Variants in CREB3L2 observed in about 807,000 individuals in gnomAD.
The protein encoded by CREB3L2 is cAMP responsive element binding protein 3 like 2.
A neutral mutation model predicts 57.2 loss-of-function variants in CREB3L2; 23 were observed. The observed-to-expected ratio is 0.40, with a 90% CI of 0.29 to 0.57. The LOEUF (loss-of-function observed/expected upper bound fraction) is 0.57. Among genes scored for constraint, CREB3L2 ranks in the 20% least tolerant of loss-of-function variants. The pLI, the probability that CREB3L2 is intolerant of heterozygous loss-of-function variation, is 0.42. For missense variants in CREB3L2, 628 were observed against 634.7 expected, an observed-to-expected ratio of 0.99 and a Z score of 0.11; for synonymous variants, 268 against 265.1, an observed-to-expected ratio of 1.01 and a Z score of -0.11.
chr7:137,997,293 T>C (rs1420119538), intron 1 of CREB3L2, among the ~76,000 whole-genome samples: 1 of 152,224 alleles, frequency 6.6e-6, no homozygotes, highest in African/African-American at 2.4e-5. Flanking sequence ...GTAGACATGC[T>C]TCCCTTCATC....
intron 1 of CREB3L2, among the ~76,000 whole-genome samples, chr7:137,976,489 G>C (rs946647574): frequency 9.2e-5 from 14 of 152,162 alleles, no homozygotes; most frequent in African/African-American, 3.1e-4. Flanking sequence ...TTTAAAATAT[G>C]CAAATCAGAG....
rs536968975 is a variant in CREB3L2, at chr7:137,923,684, T to C, written c.319+4466A>G. On this transcript the variant is annotated intron_variant, in intron 2 of 11. Coordinates refer to ENST00000330387, the MANE Select transcript of CREB3L2 (RefSeq NM_194071.4). ...CACTGCAAAGCAAAAACCTAAGTCATCTCTGACTCATCTCTGCCCCTTCCT... is the reference window on the plus strand; with the variant it reads ...CACTGCAAAGCAAAAACCTAAGTCACCTCTGACTCATCTCTGCCCCTTCCT... Among the ~76,000 whole-genome samples the C allele has an allele frequency of 3.9e-5, 6 of 152,336 alleles. No individual in the cohort carries two copies. In the South Asian group the frequency reaches 1.2e-3, roughly 32 times the overall value.
At position 137,917,398 on chromosome 7, in the gene CREB3L2, C is replaced by T. The variant is rs150185894; in HGVS notation, c.320-1386G>A. 6.6e-5 allele frequency among the ~76,000 whole-genome samples: 10 copies of T among 152,288 alleles called. No individual in the cohort carries two copies. In the East Asian group the frequency reaches 9.6e-4, roughly 15 times the overall value. On this transcript the variant is annotated intron_variant, in intron 2 of 11. Coordinates refer to ENST00000330387, the MANE Select transcript of CREB3L2 (RefSeq NM_194071.4). The stretch of plus-strand genomic sequence containing the variant: ...ACAAGACAAAGCAAGCCAAAGGCAA[C>T]GTTCCTTAGCTGATACCAGTTTTAC...
chr7:137,917,299 C>A (rs1276280606), intron 2 of CREB3L2, among the ~76,000 whole-genome samples: 1 of 152,006 alleles, frequency 6.6e-6, no homozygotes, highest in Admixed American at 6.6e-5. Context: ...TTGGAGCTAG[C>A]GCTCAGCACT....
chr7:137,928,323 C>T lies in CREB3L2; in HGVS notation c.146G>A (p.Gly49Asp). The change falls in exon 2 of 12, where the codon GGT (glycine) becomes GAT (aspartate). Residue 49 changes from glycine (G) to aspartate (D), a missense_variant. By Grantham distance (94) the Gly-to-Asp change is moderately conservative. Transcript: ENST00000330387. ...GAGGAAAGGATCATTCAGGAGCTGACCCAAGACGTTCTGGGAAAACTCATC... is the reference window on the plus strand; with the variant it reads ...GAGGAAAGGATCATTCAGGAGCTGATCCAAGACGTTCTGGGAAAACTCATC... ...LLDEFSQNVL[G>D]QLLNDPFLSE... 1.2e-6 allele frequency: 2 copies of T among 1,614,128 alleles called. No individual in the cohort carries two copies. The highest frequency in any genetic ancestry group is 1.1e-5 in the South Asian group (1 of 91,058).
intron 8 of CREB3L2, among the ~76,000 whole-genome samples, chr7:137,899,011 G>A (rs1799684541): frequency 7.0e-6 from 1 of 142,820 alleles, no homozygotes; most frequent in Non-Finnish European, 1.5e-5. Flanking sequence ...AGGAGAAGGG[G>A]AAAGGAAGGA....
At chr7:137,995,690 G>T (rs1025249117) in intron 1 of CREB3L2, among the ~76,000 whole-genome samples, 5 of 152,080 alleles carry the variant, frequency 3.3e-5, no homozygotes, top group Non-Finnish European at 7.4e-5. Flanking sequence ...TGTATGAGCC[G>T]ATCTGAATCC....
In CREB3L2 at chr7:137,946,786, CTATATAGTTA is replaced by C. The variant is rs1425687567; in HGVS notation, c.103-18430_103-18421del. ...ATAGTTTAGTTATCTATATAGTTAT[CTATATAGTTA>C]TATATAGTTATATATAGTTATCTAT... On this transcript the variant is annotated intron_variant, in intron 1 of 11. Transcript: ENST00000330387. 3.5e-4 allele frequency among the ~76,000 whole-genome samples: 12 copies of C among 34,326 alleles called. 3 individuals carry two copies. The highest frequency in any genetic ancestry group is 7.2e-4 in the Non-Finnish European group (12 of 16,668). 22.5% of individuals were successfully genotyped at this position (34,326 alleles called of 152,430 possible). A position where few individuals can be genotyped will look rare whatever the true frequency, so the allele number is the denominator to read the frequency against.
intron 1 of CREB3L2, among the ~76,000 whole-genome samples, chr7:137,963,148 T>C (rs1373693404): frequency 1.3e-5 from 2 of 152,226 alleles, no homozygotes; most frequent in Admixed American, 1.3e-4. Flanking sequence ...ATAAGGGTTA[T>C]GGTCTATGTC....
rs1241286687 is a variant in CREB3L2 at position 137,984,693 on chromosome 7, G to T, written c.102+16911C>A. On this transcript the variant is annotated intron_variant, in intron 1 of 11. Transcript: ENST00000330387. ...TGTTGCTCCTGCAGCTTTTTGTTTGGTTTTTCTAAAAGCAAACTTGGGTCG... is the reference window on the plus strand; with the variant it reads ...TGTTGCTCCTGCAGCTTTTTGTTTGTTTTTTCTAAAAGCAAACTTGGGTCG... Among the ~76,000 whole-genome samples, 3 of 152,224 alleles carry T rather than the reference G, an allele frequency of 2.0e-5. No homozygotes were observed. The East Asian group carries it at 5.8e-4, about 29-fold the overall frequency.
At chr7:137,938,397 G>A (rs2117254874) in intron 1 of CREB3L2, among the ~76,000 whole-genome samples, 1 of 152,232 alleles carries the variant, frequency 6.6e-6, no homozygotes, top group African/African-American at 2.4e-5. Flanking sequence ...CCAGGCTGGG[G>A]TACAGTGGTG....
At chr7:137,891,902 C>A (rs1799534812) in intron 8 of CREB3L2, among the ~76,000 whole-genome samples, 1 of 152,112 alleles carries the variant, frequency 6.6e-6, no homozygotes, top group African/African-American at 2.4e-5. Context: ...TCAAATCTTA[C>A]AACACATCTT....
chr7:137,921,779 T>C (rs1800281724), intron 2 of CREB3L2, among the ~76,000 whole-genome samples: 1 of 152,068 alleles, frequency 6.6e-6, no homozygotes, highest in Non-Finnish European at 1.5e-5. Context: ...CACAGTTATA[T>C]ATGAAAGGTT....
chr7:137,963,320 C>G (rs1197851400), intron 1 of CREB3L2, among the ~76,000 whole-genome samples: 2 of 152,260 alleles, frequency 1.3e-5, no homozygotes, highest in East Asian at 3.8e-4. Flanking sequence ...CAAAGGATCT[C>G]TTTAATAACC....
At chr7:137,989,192 G>A (rs538007161) in intron 1 of CREB3L2, among the ~76,000 whole-genome samples, 3 of 152,096 alleles carry the variant, frequency 2.0e-5, no homozygotes, top group African/African-American at 4.8e-5. Context: ...TCGTGCTCTC[G>A]CCTGGAAACC....
At chr7:137,887,816 C>T (rs1420563007) in intron 8 of CREB3L2, among the ~76,000 whole-genome samples, 1 of 152,170 alleles carries the variant, frequency 6.6e-6, no homozygotes, top group South Asian at 2.1e-4. Context: ...TAGTTAATAT[C>T]ACTAATTTAA....
rs190974101 is a variant in CREB3L2, at chr7:137,933,399, T to G, written c.103-5033A>C. ...GGCTTTCCTATGGAAGTTGCCCAGGTTGGCGCACTCTGCTGACACTCTGTT... is the reference window on the plus strand; with the variant it reads ...GGCTTTCCTATGGAAGTTGCCCAGGGTGGCGCACTCTGCTGACACTCTGTT... On this transcript the variant is annotated intron_variant, in intron 1 of 11. Coordinates refer to ENST00000330387, the MANE Select transcript of CREB3L2 (RefSeq NM_194071.4). 2.0e-3 allele frequency among the ~76,000 whole-genome samples: 312 copies of G among 152,258 alleles called. 1 individual carries two copies. The highest frequency in any genetic ancestry group is 6.8e-3 in the African/African-American group (283 of 41,562).
At chr7:137,883,459 T>A (rs1307834194) in intron 10 of CREB3L2, among the ~76,000 whole-genome samples, 1 of 152,224 alleles carries the variant, frequency 6.6e-6, no homozygotes, top group African/African-American at 2.4e-5. Context: ...GGTATATATG[T>A]ATGGGAAAAA....
At chr7:137,882,657 T>C (rs1402257105) in intron 10 of CREB3L2, 29 bp from the exon 11 acceptor site, 2 of 1,502,316 alleles carry the variant, frequency 1.3e-6, no homozygotes, top group South Asian at 2.5e-5. Flanking sequence ...AATAAGGTGT[T>C]AGCAAAAGAC....
Sources: gnomAD v4.1 joint callset for allele counts (sites outside exome capture counted in the v4.1 genomes callset) on GRCh38, gnomAD v4.1.1 for gene constraint, MANE v1.5 for transcripts, NCBI Gene and HGNC (gene_info 2026-07-23, HGNC 2026-07-21) for gene names.